The following DENND1B variants were observed in gnomAD, a reference collection of about 807,000 sequenced individuals.
The protein encoded by DENND1B is DENN domain-containing protein 1B.
In DENND1B, 59 loss-of-function variants were observed where a neutral mutation model predicts 90.1. The observed-to-expected ratio is 0.65, with a 90% confidence interval of 0.53 to 0.81. DENND1B has a LOEUF of 0.81. Ranked by LOEUF, DENND1B falls within the 40% of genes least tolerant of loss-of-function variation. DENND1B has a pLI of 0.00. For synonymous variants in DENND1B, 337 were observed against 324.6 expected, an observed-to-expected ratio of 1.04 and a Z score of -0.41; for missense variants, 862 against 912.6, an observed-to-expected ratio of 0.94 and a Z score of 0.71.
intron 15 of DENND1B, among the ~76,000 whole-genome samples, chr1:197,579,713 T>C (rs1287692479): frequency 6.6e-6 from 1 of 152,224 alleles, no homozygotes; most frequent in Non-Finnish European, 1.5e-5. Flanking sequence ...TCCATTTCTG[T>C]CTTTCCATAC....
chr1:197,601,588 G>T (rs139924477), intron 13 of DENND1B, among the ~76,000 whole-genome samples: 2 of 151,656 alleles, frequency 1.3e-5, no homozygotes, highest in African/African-American at 4.8e-5. Flanking sequence ...TAAAAGAAAG[G>T]CTAGGTAATT....
intron 12 of DENND1B, 54 bp downstream of exon 12, chr1:197,611,877 A>C: frequency 6.7e-7 from 1 of 1,500,072 alleles, no homozygotes; most frequent in African/African-American, 1.4e-5. Flanking sequence ...AACTGTTTTA[A>C]CTATTATTTT....
chr1:197,524,476 A>T (rs1455531153), intron 20 of DENND1B, among the ~76,000 whole-genome samples: 1 of 152,148 alleles, frequency 6.6e-6, no homozygotes, highest in African/African-American at 2.4e-5. Flanking sequence ...TCTGATCCTG[A>T]TCTCTTATAC....
chr1:197,741,044 G>T (rs1246595723), intron 2 of DENND1B, among the ~76,000 whole-genome samples: 1 of 151,976 alleles, frequency 6.6e-6, no homozygotes, highest in East Asian at 1.9e-4. Flanking sequence ...TTCATATGAA[G>T]ACTATATTTT....
chr1:197,635,577 A>G (rs988478049), intron 10 of DENND1B, among the ~76,000 whole-genome samples: 7 of 152,140 alleles, frequency 4.6e-5, no homozygotes, highest in African/African-American at 1.7e-4. Flanking sequence ...GGCTCAAGCA[A>G]TCCTCTCACC....
intron 20 of DENND1B, among the ~76,000 whole-genome samples, chr1:197,522,005 C>G (rs939810552): frequency 1.2e-4 from 19 of 152,108 alleles, no homozygotes; most frequent in African/African-American, 4.3e-4. Context: ...TTCATCATAA[C>G]TATGCTAGAT....
intron 2 of DENND1B, among the ~76,000 whole-genome samples, chr1:197,722,286 T>C (rs1023700858): frequency 6.6e-6 from 1 of 151,460 alleles, no homozygotes; most frequent in Non-Finnish European, 1.5e-5. Context: ...TTAAATATTC[T>C]TTTTTTTTAA....
Position 197,713,929 on chromosome 1 carries a change from T to C in DENND1B, c.126+1102A>G, listed in dbSNP as rs1323783912. Among the ~76,000 whole-genome samples, 5 of 23,962 alleles carry C rather than the reference T, an allele frequency of 2.1e-4. No individual in the cohort carries two copies. In the East Asian group the frequency reaches 6.4e-3, roughly 31 times the overall value. 15.7% of individuals were successfully genotyped at this position (23,962 alleles called of 152,430 possible). ...TAATATATTATATGCATATAATATA[T>C]ACATATATTATATACATATACACCA... is the stretch of plus-strand genomic sequence containing the variant. On this transcript the variant is annotated intron_variant, in intron 3 of 22. Coordinates refer to ENST00000620048, the MANE Select transcript of DENND1B (RefSeq NM_001195215.2).
chr1:197,780,542 T>C (rs2102537147), upstream of DENND1B, among the ~76,000 whole-genome samples: 1 of 152,072 alleles, frequency 6.6e-6, no homozygotes, highest in East Asian at 1.9e-4. Flanking sequence ...GTCAGGACGG[T>C]CTCCATCTCT....
At chr1:197,713,734 TAA>T (rs377064188) in intron 3 of DENND1B, among the ~76,000 whole-genome samples, 74 of 75,812 alleles carry the variant, frequency 9.8e-4, no homozygotes, top group East Asian at 1.9e-3. Context: ...TAGAGTATAA[TAA>T]AAAAAAAAAA....
At chr1:197,567,830 A>G (rs982191294) in intron 15 of DENND1B, among the ~76,000 whole-genome samples, 4 of 152,176 alleles carry the variant, frequency 2.6e-5, no homozygotes, top group African/African-American at 9.6e-5. Flanking sequence ...AAGGAAAAAT[A>G]TAACAAGTTC....
At chr1:197,522,682 A>G (rs1668858216) in intron 20 of DENND1B, among the ~76,000 whole-genome samples, 1 of 152,138 alleles carries the variant, frequency 6.6e-6, no homozygotes, top group Non-Finnish European at 1.5e-5. Context: ...CATCCTAACA[A>G]TGAGAAAAAG....
At chr1:197,583,309 A>T (rs1674404965) in intron 14 of DENND1B, 56 bp from the exon 15 acceptor site, 2 of 1,518,048 alleles carry the variant, frequency 1.3e-6, no homozygotes, top group South Asian at 2.3e-5. Context: ...AGAGAGAACT[A>T]GTCTCTTTAA....
intron 3 of DENND1B, chr1:197,690,735 A>C (rs1175416549): frequency 6.5e-6 from 1 of 152,758 alleles, no homozygotes; most frequent in East Asian, 1.9e-4. Flanking sequence ...AATAGTAAAA[A>C]ACTGATTAAT....
At chr1:197,729,984 C>A (rs572271426) in intron 2 of DENND1B, among the ~76,000 whole-genome samples, 3 of 151,950 alleles carry the variant, frequency 2.0e-5, no homozygotes, top group Non-Finnish European at 4.4e-5. Context: ...CTCACTACTA[C>A]GAAAAAAGTT....
At chr1:197,536,147 A>AT (rs536532912) in intron 20 of DENND1B, among the ~76,000 whole-genome samples, 2,466 of 121,336 alleles carry the variant, frequency 0.02, 66 homozygotes, top group African/African-American at 0.069. Flanking sequence ...ATTGAGAGAG[A>AT]GAGAGAGAGA....
intron 7 of DENND1B, 71 bp downstream of exon 7, chr1:197,652,164 G>T: frequency 1.6e-6 from 2 of 1,247,012 alleles, no homozygotes; most frequent in Non-Finnish European, 2.3e-6. Context: ...ATTGCCTGAA[G>T]GTACACGTGC....
At chr1:197,747,162 G>T (rs1652814059) in intron 2 of DENND1B, 1 of 760,892 alleles carries the variant, frequency 1.3e-6, no homozygotes. Flanking sequence ...TTTTCCCTCT[G>T]AATCTTGAGG....
At chr1:197,541,084 G>T in intron 18 of DENND1B, 69 bp from the exon 19 acceptor site, 1 of 1,326,716 alleles carries the variant, frequency 7.5e-7, no homozygotes, top group South Asian at 1.3e-5. Context: ...AAGTATACAA[G>T]ATCAAATTTA....
Sources: gnomAD v4.1 joint callset for allele counts (sites outside exome capture counted in the v4.1 genomes callset) on GRCh38, gnomAD v4.1.1 for gene constraint, MANE v1.5 for transcripts, NCBI Gene and HGNC (gene_info 2026-07-23, HGNC 2026-07-21) for gene names.